Variants in QTMAN observed in about 807,000 individuals in gnomAD.
QTMAN encodes the protein queuosine-tRNA mannosyltransferase, also known as tRNA-queuosine alpha-mannosyltransferase.
chr2:144,036,184 G>C, the QTMAN span, among the ~76,000 whole-genome samples: 1 of 152,240 alleles, frequency 6.6e-6, no homozygotes, highest in Non-Finnish European at 1.5e-5. Context: ...CCGCACCAAA[G>C]ACCATTATTG....
chr2:143,959,288 C>A, the QTMAN span, among the ~76,000 whole-genome samples: 1 of 151,806 alleles, frequency 6.6e-6, no homozygotes, highest in African/African-American at 2.4e-5. Context: ...ATCAGTCTGA[C>A]ATTTTTTATA....
At chr2:143,970,600 G>A in the QTMAN span, 5 of 912,648 alleles carry the variant, frequency 5.5e-6, no homozygotes, top group African/African-American at 1.6e-5. Flanking sequence ...TACTTACGTT[G>A]TAGAGCTTAT....
At chr2:144,139,177 A>C in the QTMAN span, among the ~76,000 whole-genome samples, 3 of 152,100 alleles carry the variant, frequency 2.0e-5, no homozygotes, top group Admixed American at 6.6e-5. Context: ...CAAGGTGATA[A>C]AGTAAATAAA....
At chr2:143,958,788 T>TC in the QTMAN span, among the ~76,000 whole-genome samples, 2 of 149,882 alleles carry the variant, frequency 1.3e-5, no homozygotes, top group African/African-American at 4.9e-5. Flanking sequence ...CTTTCTTTTT[T>TC]TTTTTTTTTT....
the QTMAN span, among the ~76,000 whole-genome samples, chr2:144,174,763 G>A: frequency 4.6e-5 from 7 of 152,252 alleles, no homozygotes; most frequent in African/African-American, 1.7e-4. Flanking sequence ...CATGTAAGGC[G>A]TGTCTTTACT....
chr2:143,963,473 C>A, the QTMAN span, among the ~76,000 whole-genome samples: 1 of 151,274 alleles, frequency 6.6e-6, no homozygotes, highest in Admixed American at 6.6e-5. Context: ...TTCTCCATTT[C>A]TGCCTAGTTT....
chr2:144,250,858 G>A, the QTMAN span, among the ~76,000 whole-genome samples: 4 of 150,028 alleles, frequency 2.7e-5, no homozygotes, highest in East Asian at 2.0e-4. Context: ...CTTACACCAC[G>A]CAACACTTCA....
At chr2:144,126,245 G>C in the QTMAN span, among the ~76,000 whole-genome samples, 1 of 151,740 alleles carries the variant, frequency 6.6e-6, no homozygotes, top group African/African-American at 2.4e-5. Context: ...TCAGTCAGTG[G>C]CTCTCAACCT....
the QTMAN span, among the ~76,000 whole-genome samples, chr2:143,997,392 T>A: frequency 2.0e-5 from 3 of 152,180 alleles, no homozygotes; most frequent in African/African-American, 4.8e-5. Context: ...TACAAATCAC[T>A]TGGAATCACT....
the QTMAN span, among the ~76,000 whole-genome samples, chr2:144,055,395 C>T: frequency 5.3e-5 from 8 of 150,184 alleles, no homozygotes; most frequent in East Asian, 2.0e-4. Context: ...CCTTCTAAAA[C>T]GGATTCAAGT....
chr2:144,286,636 T>A, the QTMAN span, among the ~76,000 whole-genome samples: 1 of 152,234 alleles, frequency 6.6e-6, no homozygotes, highest in Non-Finnish European at 1.5e-5. Context: ...ATGGCATCTA[T>A]GTTTTGGTTT....
At chr2:144,258,939 C>G in the QTMAN span, among the ~76,000 whole-genome samples, 1 of 152,158 alleles carries the variant, frequency 6.6e-6, no homozygotes, top group Admixed American at 6.5e-5. Context: ...CTCCCATTAT[C>G]AAGTAAAAAG....
chr2:144,246,857 T>C, the QTMAN span, among the ~76,000 whole-genome samples: 1 of 152,216 alleles, frequency 6.6e-6, no homozygotes, highest in Non-Finnish European at 1.5e-5. Context: ...CTCAGTTTTC[T>C]TCTACAGTTA....
the QTMAN span, among the ~76,000 whole-genome samples, chr2:144,326,586 CAAAAAAAAAAA>C: frequency 5.0e-4 from 22 of 43,736 alleles, no homozygotes; most frequent in Non-Finnish European, 8.1e-4. Flanking sequence ...GACTCCATCT[CAAAAAAAAAAA>C]AAAAAAAAAA....
chr2:144,295,773 T>TGTA, the QTMAN span, among the ~76,000 whole-genome samples: 1 of 152,028 alleles, frequency 6.6e-6, no homozygotes, highest in Non-Finnish European at 1.5e-5. Context: ...GCACCATTCC[T>TGTA]GACTAATTTT....
chr2:144,287,922 T>C, the QTMAN span, among the ~76,000 whole-genome samples: 1 of 152,292 alleles, frequency 6.6e-6, no homozygotes, highest in Non-Finnish European at 1.5e-5. Context: ...TGGTGCGATC[T>C]CGGCTCACTG....
chr2:144,251,203 A>G, the QTMAN span, among the ~76,000 whole-genome samples: 13 of 152,224 alleles, frequency 8.5e-5, no homozygotes, highest in Non-Finnish European at 1.9e-4. Flanking sequence ...ACATCACATT[A>G]TCTCATACTT....
the QTMAN span, among the ~76,000 whole-genome samples, chr2:144,236,866 C>A: frequency 1.3e-5 from 2 of 151,826 alleles, no homozygotes; most frequent in East Asian, 1.9e-4. Context: ...CAGAGAACAT[C>A]CTGAACTGAG....
At chr2:144,210,332 CA>C in the QTMAN span, among the ~76,000 whole-genome samples, 1 of 152,122 alleles carries the variant, frequency 6.6e-6, no homozygotes, top group Non-Finnish European at 1.5e-5. Flanking sequence ...CAGTAGACTA[CA>C]AATAGCAAGA....
Sources: gnomAD v4.1 joint callset for allele counts (sites outside exome capture counted in the v4.1 genomes callset) on GRCh38, gnomAD v4.1.1 for gene constraint, MANE v1.5 for transcripts, NCBI Gene and HGNC (gene_info 2026-07-23, HGNC 2026-07-21) for gene names.